The following MAF variants were observed in gnomAD, a reference collection of about 807,000 sequenced individuals.
The protein encoded by MAF is transcription factor Maf.
In MAF, 10 loss-of-function variants were observed where a neutral mutation model predicts 22.0. That is an observed-to-expected ratio of 0.45 (90% CI 0.28 to 0.77). MAF has a LOEUF of 0.77. MAF is among the 30% of genes least tolerant of loss of function. The pLI is 0.12. For synonymous variants in MAF, 337 were observed against 255.8 expected, an observed-to-expected ratio of 1.32 and a Z score of -3.03; for missense variants, 544 against 548.4, an observed-to-expected ratio of 0.99 and a Z score of 0.08.
the MAF span, among the ~76,000 whole-genome samples, chr16:79,294,453 C>T: frequency 6.6e-6 from 1 of 152,214 alleles, no homozygotes; most frequent in Non-Finnish European, 1.5e-5. Context: ...GGGTCAGTCA[C>T]TGTCTCCAAC....
At chr16:79,395,548 G>T in the MAF span, among the ~76,000 whole-genome samples, 1 of 152,142 alleles carries the variant, frequency 6.6e-6, no homozygotes, top group African/African-American at 2.4e-5. Context: ...GCACTGAGGG[G>T]CAGGAATGCC....
the MAF span, among the ~76,000 whole-genome samples, chr16:79,431,809 T>C: frequency 6.6e-6 from 1 of 152,196 alleles, no homozygotes; most frequent in Admixed American, 6.5e-5. Flanking sequence ...AAAGGGATCC[T>C]GAGAGGGAAT....
the MAF span, among the ~76,000 whole-genome samples, chr16:79,358,590 G>A: frequency 1.3e-5 from 2 of 152,192 alleles, no homozygotes; most frequent in African/African-American, 4.8e-5. Flanking sequence ...CTTGGCAGCT[G>A]CTCACAAAAT....
chr16:79,226,677 CTAA>C, the MAF span, among the ~76,000 whole-genome samples: 13 of 152,086 alleles, frequency 8.5e-5, no homozygotes, highest in African/African-American at 2.9e-4. Context: ...TGAAAAAGTG[CTAA>C]TAATGTTTAT....
chr16:79,316,484 G>A, the MAF span, among the ~76,000 whole-genome samples: 1 of 152,156 alleles, frequency 6.6e-6, no homozygotes. Context: ...CCATGTCTCT[G>A]AGCCTCGGTT....
chr16:79,539,499 A>G, the MAF span, among the ~76,000 whole-genome samples: 1 of 152,194 alleles, frequency 6.6e-6, no homozygotes, highest in South Asian at 2.1e-4. Flanking sequence ...GCGAGACTCC[A>G]CCTCAAAACA....
At chr16:79,211,875 C>A in the MAF span, 2 of 1,590,996 alleles carry the variant, frequency 1.3e-6, no homozygotes, top group East Asian at 2.3e-5. Context: ...GGGCCCCTTC[C>A]AAATGTCCCT....
the MAF span, chr16:79,211,692 C>A: frequency 1.2e-6 from 2 of 1,614,218 alleles, no homozygotes; most frequent in Non-Finnish European, 1.7e-6. Flanking sequence ...CAACTGCTGC[C>A]GCTGCATGCC....
chr16:79,402,399 C>G, the MAF span, among the ~76,000 whole-genome samples: 2 of 152,180 alleles, frequency 1.3e-5, no homozygotes, highest in African/African-American at 4.8e-5. Flanking sequence ...CCCCTGCTCT[C>G]AGAGAGTTCA....
chr16:79,389,222 G>C, the MAF span, among the ~76,000 whole-genome samples: 1 of 151,990 alleles, frequency 6.6e-6, no homozygotes, highest in South Asian at 2.1e-4. Flanking sequence ...GGAAAGTCTT[G>C]GAGTCTCTCC....
chr16:79,503,036 C>T, the MAF span, among the ~76,000 whole-genome samples: 1 of 151,948 alleles, frequency 6.6e-6, no homozygotes, highest in Non-Finnish European at 1.5e-5. Flanking sequence ...AACTATCTAA[C>T]ATTCTCAAGT....
the MAF span, among the ~76,000 whole-genome samples, chr16:79,481,140 T>G: frequency 0.85 from 128,475 of 151,718 alleles, 54,489 homozygotes; most frequent in East Asian, 0.93. Flanking sequence ...ATGTGTTGCT[T>G]GGCCTCAGTA....
chr16:79,343,810 T>A, the MAF span, among the ~76,000 whole-genome samples: 1 of 152,164 alleles, frequency 6.6e-6, no homozygotes, highest in Non-Finnish European at 1.5e-5. Flanking sequence ...TCTAAATGGT[T>A]TATTGACTTG....
the MAF span, among the ~76,000 whole-genome samples, chr16:79,499,940 T>C: frequency 6.6e-6 from 1 of 152,198 alleles, no homozygotes; most frequent in Non-Finnish European, 1.5e-5. Flanking sequence ...TGACCATAAA[T>C]GCAGTCATAT....
the MAF span, among the ~76,000 whole-genome samples, chr16:79,529,468 C>A: frequency 2.6e-5 from 4 of 152,128 alleles, no homozygotes; most frequent in African/African-American, 9.7e-5. Flanking sequence ...TTAGTAACTT[C>A]CTGTGAATCT....
chr16:79,260,278 G>A, the MAF span, among the ~76,000 whole-genome samples: 39 of 152,078 alleles, frequency 2.6e-4, no homozygotes, highest in Non-Finnish European at 1.5e-5. Flanking sequence ...AGCCTCCTGA[G>A]CAGCTGGGAT....
the MAF span, among the ~76,000 whole-genome samples, chr16:79,216,179 ATG>A: frequency 6.9e-6 from 1 of 145,188 alleles, no homozygotes; most frequent in Non-Finnish European, 1.5e-5. Flanking sequence ...GCACGTGTAT[ATG>A]TATATATGTC....
the MAF span, among the ~76,000 whole-genome samples, chr16:79,247,589 T>C: frequency 1.3e-5 from 2 of 152,204 alleles, no homozygotes; most frequent in African/African-American, 2.4e-5. Flanking sequence ...AAACATTTCC[T>C]GAGGCACCTC....
chr16:79,364,426 G>T, the MAF span, among the ~76,000 whole-genome samples: 7 of 152,160 alleles, frequency 4.6e-5, no homozygotes. Flanking sequence ...CACAGAAGAT[G>T]CTCCAGCCAG....
Sources: allele counts gnomAD v4.1 joint callset (sites outside exome capture counted in the v4.1 genomes callset), GRCh38; gene constraint gnomAD v4.1.1; transcripts MANE v1.5; gene names NCBI Gene and HGNC (gene_info 2026-07-23, HGNC 2026-07-21).